The following FMN2 variants were observed in gnomAD, a reference collection of about 807,000 sequenced individuals.
FMN2 encodes formin 2, also known as formin-2.
FMN2 carries 51 observed loss-of-function variants against 142.3 expected under a neutral mutation model. That is an observed-to-expected ratio of 0.36 (90% CI 0.29 to 0.45). FMN2 has a LOEUF of 0.45. Among genes scored for constraint, FMN2 ranks in the 20% least tolerant of loss-of-function variants. FMN2 has a pLI of 1.00. For missense variants in FMN2, 1,936 were observed against 2,122.8 expected, an observed-to-expected ratio of 0.91 and a Z score of 1.73; for synonymous variants, 882 against 869.8, an observed-to-expected ratio of 1.01 and a Z score of -0.25.
intron 13 of FMN2, among the ~76,000 whole-genome samples, chr1:240,339,343 T>A (rs938696822): frequency 6.6e-6 from 1 of 152,180 alleles, no homozygotes; most frequent in African/African-American, 2.4e-5. Context: ...TTTATTATTT[T>A]TTTTTAATCT....
intron 7 of FMN2, among the ~76,000 whole-genome samples, chr1:240,269,497 T>C (rs1027001685): frequency 1.3e-5 from 2 of 152,102 alleles, no homozygotes; most frequent in African/African-American, 4.8e-5. Flanking sequence ...GGTTTTGTCC[T>C]TTTTGATCAA....
chr1:240,160,743 C>T (rs1196231065), intron 2 of FMN2, among the ~76,000 whole-genome samples: 1 of 151,844 alleles, frequency 6.6e-6, no homozygotes, highest in African/African-American at 2.4e-5. Flanking sequence ...TTGTACTGAA[C>T]AATTATTCCT....
At chr1:240,188,163 A>G (rs374639410) in intron 3 of FMN2, 44 bp from the exon 4 acceptor site, 3 of 1,579,862 alleles carry the variant, frequency 1.9e-6, no homozygotes, top group African/African-American at 1.4e-5. Context: ...AAATAGGAAA[A>G]TTGTCCTTTA....
Position 240,361,140 on chromosome 1 carries a change from T to A in FMN2, c.4858+5232T>A, listed in dbSNP as rs1395939929. ...TATAATAATAATAAATAAATATATGTGTATATATATATATATATATATATA... is the reference window on the plus strand; with the variant it reads ...TATAATAATAATAAATAAATATATGAGTATATATATATATATATATATATA... On this transcript the variant is annotated intron_variant, in intron 14 of 17. Coordinates refer to ENST00000319653, the MANE Select transcript of FMN2 (RefSeq NM_020066.5). Among the ~76,000 whole-genome samples, 312 of 14,848 alleles carry A rather than the reference T, an allele frequency of 0.021. 2 individuals are homozygous for A. In the African/African-American group the frequency reaches 0.31, roughly 15 times the overall value. The allele number at this position is 14,848 out of a possible 152,430, so 9.7% of individuals were successfully genotyped here. A position where few individuals can be genotyped will look rare whatever the true frequency, so the allele number is the denominator to read the frequency against.
chr1:240,296,600 G>A (rs2102964944), intron 8 of FMN2, among the ~76,000 whole-genome samples: 1 of 151,822 alleles, frequency 6.6e-6, no homozygotes, highest in South Asian at 2.1e-4. Context: ...TGGTGGGCAG[G>A]ATGCAGACTC....
At position 240,356,410 on chromosome 1, in the gene FMN2, C is replaced by T. The variant is rs1223234127; in HGVS notation, c.4858+502C>T. 3.3e-5 allele frequency among the ~76,000 whole-genome samples: 5 copies of T among 151,986 alleles called. No homozygotes were observed. In the South Asian group the frequency reaches 1.0e-3, roughly 31 times the overall value. ...GGATACGCCAATACCTCTGGATATT[C>T]AACACCTGTCTTCCAGGGAGCTTAA... On this transcript the variant is annotated intron_variant, in intron 14 of 17. Transcript: ENST00000319653.
chr1:240,323,169 T>TTCTCTC lies in FMN2; in HGVS notation c.4216-5903_4216-5898dup, dbSNP rs368277071. Among the ~76,000 whole-genome samples, 748 of 150,984 alleles carry TTCTCTC rather than the reference T, an allele frequency of 5.0e-3. 7 individuals are homozygous for TTCTCTC. The highest frequency in any genetic ancestry group is 0.017 in the African/African-American group (705 of 40,908). On this transcript the variant is annotated intron_variant, in intron 8 of 17. Transcript: ENST00000319653. Reference sequence around the variant, plus strand: ...TTCCTTTCTCTTTCTCTTTCTCTCTTTCTCTCTCTTTTCTTTTCTTTCTTT... The same window carrying TTCTCTC: ...TTCCTTTCTCTTTCTCTTTCTCTCTTTCTCTCTCTCTCTCTTTTCTTTTCTTTCTTT...
chr1:240,352,618 T>C (rs1267035198), intron 13 of FMN2, among the ~76,000 whole-genome samples: 2 of 152,076 alleles, frequency 1.3e-5, no homozygotes, highest in Admixed American at 1.3e-4. Flanking sequence ...TCAGAGACTT[T>C]TGGGAACACT....
At chr1:240,344,457 C>T (rs1046857136) in intron 13 of FMN2, among the ~76,000 whole-genome samples, 1 of 152,098 alleles carries the variant, frequency 6.6e-6, no homozygotes, top group African/African-American at 2.4e-5. Flanking sequence ...GTTGATAAGC[C>T]TCAAGTATTT....
intron 8 of FMN2, among the ~76,000 whole-genome samples, chr1:240,306,639 C>T (rs918816155): frequency 6.6e-6 from 1 of 152,220 alleles, no homozygotes; most frequent in Non-Finnish European, 1.5e-5. Context: ...TTTCTTTATC[C>T]AGTCCACTGT....
intron 16 of FMN2, among the ~76,000 whole-genome samples, chr1:240,460,188 T>C (rs1304054387): frequency 6.6e-6 from 1 of 152,252 alleles, no homozygotes; most frequent in African/African-American, 2.4e-5. Context: ...ATTTATCCAA[T>C]TATTCAATAG....
chr1:240,228,333 G>GAAAAAAAAAA (rs1176161325), intron 6 of FMN2, among the ~76,000 whole-genome samples: 2 of 49,112 alleles, frequency 4.1e-5, no homozygotes. Flanking sequence ...AAAAAAAAAA[G>GAAAAAAAAAA]AAAAAGAAAA....
intron 15 of FMN2, among the ~76,000 whole-genome samples, chr1:240,403,185 T>C (rs2103113366): frequency 6.6e-6 from 1 of 152,328 alleles, no homozygotes; most frequent in Admixed American, 6.5e-5. Flanking sequence ...CCTCTGTGAG[T>C]AATGACAAAC....
intron 13 of FMN2, among the ~76,000 whole-genome samples, chr1:240,355,537 C>A (rs971539904): frequency 3.9e-5 from 6 of 152,058 alleles, no homozygotes; most frequent in African/African-American, 1.4e-4. Flanking sequence ...GATGAAGAGA[C>A]TGAGATTTAG....
At chr1:240,440,735 T>G (rs1365002631) in intron 16 of FMN2, among the ~76,000 whole-genome samples, 2 of 152,208 alleles carry the variant, frequency 1.3e-5, no homozygotes, top group Non-Finnish European at 2.9e-5. Context: ...ATTACCCTCT[T>G]GGCAATTGAT....
chr1:240,297,594 CAAAAAAAAA>C (rs57504077), intron 8 of FMN2, among the ~76,000 whole-genome samples: 3 of 88,782 alleles, frequency 3.4e-5, no homozygotes, highest in Non-Finnish European at 2.3e-5. Flanking sequence ...GACTCCATCT[CAAAAAAAAA>C]AAAAAAAAAA....
In FMN2 at chr1:240,474,260, T is replaced by G. The variant is rs1374441596; in HGVS notation, c.*106T>G. The G allele has an allele frequency of 1.9e-6, 2 of 1,043,758 alleles. No individual in the cohort carries two copies. Among genetic ancestry groups the G allele is most frequent in the Non-Finnish European group, 2.7e-6 (2 of 737,126 alleles). The allele number at this position is 1,043,758 out of a possible 1,614,324, so 64.7% of individuals were successfully genotyped here. A position where few individuals can be genotyped will look rare whatever the true frequency, so the allele number is the denominator to read the frequency against. ...CCGTCATTCTGCTCATGTTTCTTCT[T>G]GACCTCTTGCATAATCTTTTTGTTT... On this transcript the variant is annotated 3_prime_UTR_variant, in exon 18 of 18. Transcript: ENST00000319653.
chr1:240,431,692 AT>A (rs1032101022), intron 15 of FMN2, among the ~76,000 whole-genome samples: 2 of 151,110 alleles, frequency 1.3e-5, no homozygotes, highest in Non-Finnish European at 3.0e-5. Context: ...ACTGGTGTTG[AT>A]TTTTTTCCAT....
At chr1:240,266,290 T>A (rs933182999) in intron 7 of FMN2, among the ~76,000 whole-genome samples, 2 of 151,942 alleles carry the variant, frequency 1.3e-5, no homozygotes, top group Admixed American at 1.3e-4. Context: ...TGGTGAAGGT[T>A]TTTGGGGGGG....
Sources: allele counts gnomAD v4.1 joint callset (sites outside exome capture counted in the v4.1 genomes callset), GRCh38; gene constraint gnomAD v4.1.1; transcripts MANE v1.5; gene names NCBI Gene and HGNC (gene_info 2026-07-23, HGNC 2026-07-21).